DCC: variants seen among roughly 807,000 people sequenced by gnomAD.
DCC encodes netrin receptor DCC.
In DCC, 58 loss-of-function variants were observed where a neutral mutation model predicts 172.5. The ratio of observed to expected loss-of-function variants is 0.34; its 90% CI spans 0.27 to 0.42. DCC has a LOEUF of 0.42. DCC is among the 10% of genes least tolerant of loss of function. The pLI is 1.00. For missense variants in DCC, 1,740 were observed against 1,791.0 expected (o/e 0.97, Z 0.51); for synonymous variants, 709 against 644.5 (o/e 1.10, Z -1.52).
At chr18:53,264,060 C>T (rs560249247) in intron 12 of DCC, among the ~76,000 whole-genome samples, 1 of 152,240 alleles carries the variant, frequency 6.6e-6, no homozygotes, top group African/African-American at 2.4e-5. Context: ...GCTCTTACAA[C>T]CCACAAATCC....
At chr18:52,731,860 G>A (rs1352770763) in intron 1 of DCC, among the ~76,000 whole-genome samples, 4 of 152,006 alleles carry the variant, frequency 2.6e-5, no homozygotes, top group African/African-American at 7.2e-5. Flanking sequence ...GTCTGGATTT[G>A]CTATGATAGC....
rs112367101 is a variant in DCC, at chr18:52,516,189, T to TA, written c.91+175320dup. On this transcript the variant is annotated intron_variant, in intron 1 of 28. Transcript: ENST00000442544. ...CACTCTGAAAAACAGTTTGACAGGT[T>TA]AAAAAAAAATTCAAATATCATACAG... Among the ~76,000 whole-genome samples, 4 of 151,712 alleles carry TA rather than the reference T, an allele frequency of 2.6e-5. No individual in the cohort carries two copies. The South Asian group carries it at 6.2e-4, about 24-fold the overall frequency.
At chr18:52,773,754 C>T (rs900964329) in intron 2 of DCC, among the ~76,000 whole-genome samples, 1 of 152,098 alleles carries the variant, frequency 6.6e-6, no homozygotes, top group African/African-American at 2.4e-5. Flanking sequence ...GTCTCAAACC[C>T]CTGACCTCAG....
chr18:52,984,830 G>A (rs2041266837), intron 5 of DCC, among the ~76,000 whole-genome samples: 1 of 152,076 alleles, frequency 6.6e-6, no homozygotes, highest in South Asian at 2.1e-4. Flanking sequence ...AAGCATGACG[G>A]TCAAATAGAT....
At chr18:52,755,809 A>T (rs966168845) in intron 2 of DCC, among the ~76,000 whole-genome samples, 1 of 151,882 alleles carries the variant, frequency 6.6e-6, no homozygotes, top group East Asian at 1.9e-4. Flanking sequence ...TGCTTTCTCA[A>T]AGTGTCTTTT....
chr18:52,970,572 G>A (rs1474169986), intron 5 of DCC, among the ~76,000 whole-genome samples: 1 of 152,112 alleles, frequency 6.6e-6, no homozygotes, highest in Non-Finnish European at 1.5e-5. Flanking sequence ...AAATAAATGT[G>A]TCTTTTAAAG....
At chr18:52,363,342 G>C (rs1984703958) in intron 1 of DCC, among the ~76,000 whole-genome samples, 1 of 152,174 alleles carries the variant, frequency 6.6e-6, no homozygotes, top group Non-Finnish European at 1.5e-5. Flanking sequence ...TTTGATATGA[G>C]AATATGGAAG....
At chr18:52,791,245 G>GA (rs1555662642) in intron 2 of DCC, among the ~76,000 whole-genome samples, 6 of 152,110 alleles carry the variant, frequency 3.9e-5, no homozygotes, top group Non-Finnish European at 7.4e-5. Context: ...CTAGCAAAAA[G>GA]GCAATGCCCT....
At chr18:52,374,595 A>T (rs1985267376) in intron 1 of DCC, among the ~76,000 whole-genome samples, 1 of 152,190 alleles carries the variant, frequency 6.6e-6, no homozygotes, top group South Asian at 2.1e-4. Context: ...AGATAGGGCC[A>T]ACATTAGACT....
At chr18:52,909,132 G>C (rs557577436) in intron 3 of DCC, among the ~76,000 whole-genome samples, 1 of 152,268 alleles carries the variant, frequency 6.6e-6, no homozygotes, top group Admixed American at 6.5e-5. Flanking sequence ...GCTTCTCTTA[G>C]TTGCCACTTA....
chr18:53,236,292 CT>C (rs1314091910), intron 12 of DCC, among the ~76,000 whole-genome samples: 1 of 152,058 alleles, frequency 6.6e-6, no homozygotes, highest in African/African-American at 2.4e-5. Context: ...GTTACATCAC[CT>C]TGTGGCTTTA....
chr18:52,765,354 A>T (rs949197589), intron 2 of DCC, among the ~76,000 whole-genome samples: 1 of 152,020 alleles, frequency 6.6e-6, no homozygotes, highest in Non-Finnish European at 1.5e-5. Context: ...CTCTAGCCTC[A>T]TTTGTAACCA....
intron 1 of DCC, among the ~76,000 whole-genome samples, chr18:52,685,517 T>G (rs1599017635): frequency 6.6e-6 from 1 of 152,106 alleles, no homozygotes; most frequent in Admixed American, 6.6e-5. Flanking sequence ...GGGTGGTACC[T>G]CATGGAATGA....
At chr18:52,656,751 T>C (rs1056799910) in intron 1 of DCC, among the ~76,000 whole-genome samples, 1 of 152,174 alleles carries the variant, frequency 6.6e-6, no homozygotes, top group African/African-American at 2.4e-5. Flanking sequence ...TTTCTTTTTT[T>C]GTTTGTTTGT....
intron 2 of DCC, among the ~76,000 whole-genome samples, chr18:52,886,617 A>G (rs894989982): frequency 1.3e-4 from 19 of 151,762 alleles, no homozygotes; most frequent in Admixed American, 1.1e-3. Flanking sequence ...TTTCCTGTCT[A>G]TTGGAGGAGG....
intron 7 of DCC, among the ~76,000 whole-genome samples, chr18:53,136,217 A>C (rs113088188): frequency 1.1e-5 from 1 of 94,376 alleles, no homozygotes; most frequent in African/African-American, 3.1e-5. Context: ...ATCTATATAT[A>C]TATACACACA....
intron 1 of DCC, among the ~76,000 whole-genome samples, chr18:52,507,929 C>T (rs1598874222): frequency 2.0e-5 from 3 of 151,884 alleles, no homozygotes; most frequent in Admixed American, 6.6e-5. Context: ...GGTGAAACCC[C>T]GTCTCTACTA....
Position 53,526,715 on chromosome 18 carries a change from G to GA in DCC, c.4212dup (p.Val1405SerfsTer3). The GA allele has an allele frequency of 6.2e-7, 1 of 1,613,548 alleles. No individual in the cohort carries two copies. Among genetic ancestry groups the GA allele is most frequent in the South Asian group, 1.1e-5 (1 of 91,084 alleles). ...TCCTGTGTCTGTGCCAACAGCCCCT[G>GA]AAGTGTCTGAGGAGAGCCACAAACC... is the stretch of plus-strand genomic sequence containing the variant. On this transcript the variant is annotated frameshift_variant, in exon 28 of 29. Transcript: ENST00000442544. LOFTEE classifies it high-confidence loss of function.
chr18:52,829,931 G>A (rs2038583155), intron 2 of DCC, among the ~76,000 whole-genome samples: 1 of 152,106 alleles, frequency 6.6e-6, no homozygotes, highest in African/African-American at 2.4e-5. Flanking sequence ...TTTAAATATT[G>A]TGGTCAGGGA....
Sources: gnomAD v4.1 joint callset for allele counts (sites outside exome capture counted in the v4.1 genomes callset) on GRCh38, gnomAD v4.1.1 for gene constraint, MANE v1.5 for transcripts, NCBI Gene and HGNC (gene_info 2026-07-23, HGNC 2026-07-21) for gene names.